Variants in DYSF observed in about 807,000 individuals in gnomAD.
DYSF encodes the protein dystrophy-associated fer-1-like 1.
In DYSF, 212 loss-of-function variants were observed where a neutral mutation model predicts 274.9. That is an observed-to-expected ratio of 0.77 (90% CI 0.69 to 0.86). DYSF has a LOEUF of 0.86. Ranked by LOEUF, DYSF falls within the 40% of genes least tolerant of loss-of-function variation. The pLI, the probability that DYSF is intolerant of heterozygous loss-of-function variation, is 0.00. For missense variants in DYSF, 2,666 were observed against 2,783.2 expected, an observed-to-expected ratio of 0.96 and a Z score of 0.95; for synonymous variants, 1,091 against 1,078.7, an observed-to-expected ratio of 1.01 and a Z score of -0.22.
chr2:71,579,818 G>A (rs894384673), intron 30 of DYSF, among the ~76,000 whole-genome samples: 10 of 152,212 alleles, frequency 6.6e-5, no homozygotes, highest in African/African-American at 2.2e-4. Flanking sequence ...CACACCTGCC[G>A]AGTGGCCAGC....
At chr2:71,558,915 C>CA (rs1276514588) in intron 22 of DYSF, among the ~76,000 whole-genome samples, 1 of 152,166 alleles carries the variant, frequency 6.6e-6, no homozygotes, top group African/African-American at 2.4e-5. Flanking sequence ...CTCCACCTCT[C>CA]ACTGCAGTGC....
At chr2:71,462,593 T>G (rs2081330108), upstream of DYSF, among the ~76,000 whole-genome samples, 1 of 152,176 alleles carries the variant, frequency 6.6e-6, no homozygotes. Context: ...CCAGGAAGAA[T>G]AGGTACACAG....
rs749361351 is a variant in DYSF, at chr2:71,553,001, C to T, written c.1807-10C>T. On this transcript the variant is annotated splice_polypyrimidine_tract_variant and intron_variant, in intron 19 of 55. Coordinates refer to ENST00000410020, the MANE Select transcript of DYSF (RefSeq NM_001130987.2). ...CTCCCGTGACCCTCTGGTCTACTCT[C>T]TGCTCTCAGAAGTACCTTAGGAGGC... The T allele has an allele frequency of 1.4e-5, 23 of 1,614,066 alleles. No homozygotes were observed. The highest frequency in any genetic ancestry group is 9.3e-6 in the Non-Finnish European group (11 of 1,180,036).
At chr2:71,546,216 C>T (rs1313284150) in intron 17 of DYSF, among the ~76,000 whole-genome samples, 1 of 152,266 alleles carries the variant, frequency 6.6e-6, no homozygotes, top group Non-Finnish European at 1.5e-5. Context: ...GAACGCGTCG[C>T]TCCAACTTTC....
chr2:71,578,659 G>A (rs1203921736), intron 30 of DYSF, among the ~76,000 whole-genome samples: 1 of 152,186 alleles, frequency 6.6e-6, no homozygotes, highest in Non-Finnish European at 1.5e-5. Context: ...ACCGTGGGTG[G>A]AAGCCAGGTA....
At chr2:71,628,064 G>T (rs1192474780) in intron 41 of DYSF, among the ~76,000 whole-genome samples, 2 of 151,894 alleles carry the variant, frequency 1.3e-5, no homozygotes, top group African/African-American at 2.4e-5. Flanking sequence ...ATTTGAATTT[G>T]TTTCTGCCAT....
intron 42 of DYSF, among the ~76,000 whole-genome samples, chr2:71,653,373 C>T (rs1056651174): frequency 6.9e-4 from 105 of 151,952 alleles, no homozygotes; most frequent in Admixed American, 1.6e-3. Context: ...ATGTTTATTG[C>T]GGCACTATTC....
At chr2:71,669,434 T>C (rs1353059869) in intron 50 of DYSF, among the ~76,000 whole-genome samples, 171 bp from the exon 51 acceptor site, 1 of 152,224 alleles carries the variant, frequency 6.6e-6, no homozygotes, top group Non-Finnish European at 1.5e-5. Flanking sequence ...GCTGGGAAGT[T>C]AGAATGTTTT....
At chr2:71,589,534 C>G in intron 30 of DYSF, 59 bp from the exon 31 acceptor site, 1 of 1,402,930 alleles carries the variant, frequency 7.1e-7, no homozygotes, top group Non-Finnish European at 1.0e-6. Flanking sequence ...CTGGGCTAGT[C>G]TCCCTGCCAC....
Position 71,667,273 on chromosome 2 carries a change from T to G in DYSF, c.5318-103T>G, listed in dbSNP as rs1284408709. ...GGGTGAGGCTGCGGGGGTTAGAGCT[T>G]CTTATGACTCTTAGGCAGCCCTGCT... On this transcript the variant is annotated intron_variant, in intron 47 of 55. Transcript: ENST00000410020. The G allele has an allele frequency of 7.6e-6, 12 of 1,568,896 alleles. No homozygotes were observed. The East Asian group carries it at 2.7e-4, about 35-fold the overall frequency.
chr2:71,646,648 A>C (rs1000516206), intron 42 of DYSF, among the ~76,000 whole-genome samples: 5 of 152,220 alleles, frequency 3.3e-5, no homozygotes, highest in Non-Finnish European at 7.3e-5. Flanking sequence ...CTAAATAGAA[A>C]AATAAAGGAA....
chr2:71,611,218 C>G, intron 36 of DYSF, 27 bp from the exon 37 acceptor site: 3 of 1,555,474 alleles, frequency 1.9e-6, no homozygotes, highest in Non-Finnish European at 2.7e-6. Flanking sequence ...CCACCTTTGT[C>G]TCCATTCTAC....
At chr2:71,623,204 T>TA (rs1268542815) in intron 41 of DYSF, among the ~76,000 whole-genome samples, 2 of 152,076 alleles carry the variant, frequency 1.3e-5, no homozygotes, top group Non-Finnish European at 2.9e-5. Flanking sequence ...CTTTAGGTTT[T>TA]AGGGTACATG....
Position 71,569,944 on chromosome 2 carries a change from G to A in DYSF, c.2979+10G>A, listed in dbSNP as rs762274629. 2 of 1,611,064 alleles carry A rather than the reference G, an allele frequency of 1.2e-6. No individual in the cohort carries two copies. Among genetic ancestry groups the A allele is most frequent in the South Asian group, 2.2e-5 (2 of 90,746 alleles). ...CAACTACACCGATGTGGTAAAGCAG[G>A]CACTCAGGGGCAGGTGGGGTCTAGA... On this transcript the variant is annotated intron_variant, in intron 27 of 55. Coordinates refer to ENST00000410020, the MANE Select transcript of DYSF (RefSeq NM_001130987.2).
chr2:71,602,992 G>A (rs1214951993), intron 36 of DYSF, among the ~76,000 whole-genome samples, 187 bp downstream of exon 36: 1 of 152,172 alleles, frequency 6.6e-6, no homozygotes, highest in African/African-American at 2.4e-5. Context: ...GTGTCCTGGG[G>A]GTGATCCTGG....
chr2:71,500,067 T>C (rs1283250029), intron 3 of DYSF, among the ~76,000 whole-genome samples: 1 of 152,166 alleles, frequency 6.6e-6, no homozygotes, highest in African/African-American at 2.4e-5. Flanking sequence ...GAGCCTGTGC[T>C]TCAGTCTGAC....
intron 7 of DYSF, among the ~76,000 whole-genome samples, chr2:71,514,570 C>T (rs2086457247): frequency 6.6e-6 from 1 of 151,906 alleles, no homozygotes. Flanking sequence ...AACTTTGGTC[C>T]TTTGCCTATT....
At chr2:71,529,700 G>A (rs2152753332) in intron 14 of DYSF, among the ~76,000 whole-genome samples, 1 of 152,312 alleles carries the variant, frequency 6.6e-6, no homozygotes, top group South Asian at 2.1e-4. Context: ...CTGTACGGAT[G>A]TCCTACTTCT....
Position 71,553,792 on chromosome 2 carries a change from G to C in DYSF, c.1985-15G>C. On this transcript the variant is annotated splice_polypyrimidine_tract_variant and intron_variant, in intron 20 of 55. Coordinates refer to ENST00000410020, the MANE Select transcript of DYSF (RefSeq NM_001130987.2). ...CACTCCTGGCACAGCGCTCAGGCCCGTCTCTCCATTCCAGGGTGCCACTAC... is the reference window on the plus strand; with the variant it reads ...CACTCCTGGCACAGCGCTCAGGCCCCTCTCTCCATTCCAGGGTGCCACTAC... 1.2e-6 allele frequency: 1 copy of C among 806,720 alleles called. No individual in the cohort carries two copies. The highest frequency in any genetic ancestry group is 1.9e-6 in the Non-Finnish European group (1 of 533,950). 50.0% of individuals were successfully genotyped at this position (806,720 alleles called of 1,614,324 possible).
Sources: gnomAD v4.1 joint callset for allele counts (sites outside exome capture counted in the v4.1 genomes callset) on GRCh38, gnomAD v4.1.1 for gene constraint, MANE v1.5 for transcripts, NCBI Gene and HGNC (gene_info 2026-07-23, HGNC 2026-07-21) for gene names.